The following ZNF607 variants were observed in gnomAD, a reference collection of about 807,000 sequenced individuals.
ZNF607 encodes the protein zinc finger protein 607.
ZNF607 carries 5 observed loss-of-function variants against 12.8 expected under a neutral mutation model. That is an observed-to-expected ratio of 0.39 (90% CI 0.20 to 0.82). The LOEUF (loss-of-function observed/expected upper bound fraction) is 0.82. Among genes scored for constraint, ZNF607 ranks in the 40% least tolerant of loss-of-function variants. The pLI is 0.39. For synonymous variants in ZNF607, 287 were observed against 276.2 expected, an observed-to-expected ratio of 1.04 and a Z score of -0.39; for missense variants, 851 against 859.2, an observed-to-expected ratio of 0.99 and a Z score of 0.12.
In ZNF607 at chr19:37,699,595, A is replaced by C. The variant is rs1349595661; in HGVS notation, c.536T>G (p.Phe179Cys). Reference sequence around the variant, plus strand: ...TTGAGCAAGGTTTGCAGGATAACTGAAGACCTTCCCACATTCTTCACATTC... The same window carrying C: ...TTGAGCAAGGTTTGCAGGATAACTGCAGACCTTCCCACATTCTTCACATTC... The part of the protein sequence containing the change: ...PYECEECGKV[F>C]SYPANLAQHG... Residue 179 changes from phenylalanine (F) to cysteine (C), a missense_variant, in exon 5 of 5, where the codon TTC becomes TGC. Transcript: ENST00000355202. The C allele has an allele frequency of 6.2e-7, 1 of 1,614,124 alleles. No homozygotes were observed. Among genetic ancestry groups the C allele is most frequent in the East Asian group, 2.2e-5 (1 of 44,884 alleles).
intron 4 of ZNF607, among the ~76,000 whole-genome samples, chr19:37,702,947 T>TTA (rs1279763914): frequency 6.6e-6 from 1 of 151,996 alleles, no homozygotes; most frequent in Non-Finnish European, 1.5e-5. Context: ...ATTTATTTAT[T>TTA]TTTATTTTTA....
At chr19:37,700,087 CAA>C (rs1199562780) in intron 4 of ZNF607, among the ~76,000 whole-genome samples, 192 bp from the exon 5 acceptor site, 1 of 152,044 alleles carries the variant, frequency 6.6e-6, no homozygotes, top group East Asian at 1.9e-4. Context: ...CACACATACA[CAA>C]AGAGACACAC....
chr19:37,705,910 A>C (rs575291507), intron 4 of ZNF607, among the ~76,000 whole-genome samples: 80 of 151,882 alleles, frequency 5.3e-4, no homozygotes, highest in African/African-American at 1.8e-3. Flanking sequence ...TCCTATAAAA[A>C]CAGGTTGATG....
chr19:37,707,927 T>A lies in ZNF607; in HGVS notation c.222A>T (p.Arg74Ser), dbSNP rs1203253499. ...EPWMIVREET[R>S]GECTDLDSRC... is the part of the protein sequence containing the mutation. ...ACTTGCTCTTACCTGTACACTCTCCTCTTGTTTCTTCCCTCACAATCATCC... is the reference window on the plus strand; with the variant it reads ...ACTTGCTCTTACCTGTACACTCTCCACTTGTTTCTTCCCTCACAATCATCC... The change falls in exon 4 of 5, where the codon AGA becomes AGT. Residue 74 changes from arginine (R) to serine (S), a missense_variant. Physicochemically the swap from Arg to Ser is moderately radical, Grantham distance 110. Transcript: ENST00000355202. 1.1e-5 allele frequency: 18 copies of A among 1,613,850 alleles called. No individual in the cohort carries two copies. Among genetic ancestry groups the A allele is most frequent in the African/African-American group, 1.3e-5 (1 of 74,924 alleles).
intron 1 of ZNF607, among the ~76,000 whole-genome samples, chr19:37,714,753 T>G (rs576617415): frequency 6.6e-6 from 1 of 152,174 alleles, no homozygotes; most frequent in South Asian, 2.1e-4. Flanking sequence ...AACGAGACAG[T>G]TCTGAAGATT....
In ZNF607 at chr19:37,697,187, T is replaced by C; in HGVS notation, c.*853A>G. The C allele has an allele frequency of 8.2e-6, 6 of 735,412 alleles. No individual in the cohort carries two copies. The South Asian group carries it at 8.4e-5, about 10-fold the overall frequency. The allele number at this position is 735,412 out of a possible 1,614,324, so 45.6% of individuals were successfully genotyped here. ...CAGTGATGACTGGCGCACTACGTGG[T>C]TGAGAACAGCAGTCAAAGATAATTG... On this transcript the variant is annotated 3_prime_UTR_variant, in exon 5 of 5. Coordinates refer to ENST00000355202, the MANE Select transcript of ZNF607 (RefSeq NM_032689.5).
chr19:37,715,063 T>C (rs1599670121), intron 1 of ZNF607, among the ~76,000 whole-genome samples: 1 of 151,898 alleles, frequency 6.6e-6, no homozygotes, highest in Non-Finnish European at 1.5e-5. Flanking sequence ...TGTGCCACCA[T>C]GCCCGGCTAA....
intron 4 of ZNF607, among the ~76,000 whole-genome samples, chr19:37,700,795 C>T (rs543851055): frequency 9.2e-5 from 14 of 151,760 alleles, no homozygotes; most frequent in African/African-American, 2.9e-4. Flanking sequence ...AGTGTCAACA[C>T]CTAAATCAAA....
At chr19:37,701,357 C>T (rs1252975851) in intron 4 of ZNF607, among the ~76,000 whole-genome samples, 2 of 152,156 alleles carry the variant, frequency 1.3e-5, no homozygotes, top group African/African-American at 2.4e-5. Flanking sequence ...CAACCTTTTT[C>T]GATTACCTAC....
In ZNF607 at chr19:37,716,375, T is replaced by C. The variant is rs73621598; in HGVS notation, c.-75+2894A>G. On this transcript the variant is annotated intron_variant, in intron 1 of 4. Transcript: ENST00000355202. The stretch of plus-strand genomic sequence containing the variant: ...GGAGTCTCCTGTTTTCAGGAAAAAC[T>C]GATCTGTTTGGAACTCTACCTGCTC... 5.9e-3 allele frequency among the ~76,000 whole-genome samples: 898 copies of C among 152,330 alleles called. 10 individuals are homozygous for C. Among genetic ancestry groups the C allele is most frequent in the African/African-American group, 0.02 (848 of 41,572 alleles).
intron 1 of ZNF607, among the ~76,000 whole-genome samples, chr19:37,717,446 A>G (rs1037523302): frequency 6.6e-6 from 1 of 151,740 alleles, no homozygotes; most frequent in Non-Finnish European, 1.5e-5. Context: ...CGGCCTCCCA[A>G]AGTGCTGGGA....
chr19:37,708,559 CAT>C (rs1422793888), intron 3 of ZNF607, among the ~76,000 whole-genome samples: 4 of 151,490 alleles, frequency 2.6e-5, no homozygotes, highest in Non-Finnish European at 4.4e-5. Context: ...GTTGAAAACA[CAT>C]ACTCTAAAGC....
chr19:37,704,102 C>A (rs1483942075), intron 4 of ZNF607, among the ~76,000 whole-genome samples: 6 of 151,810 alleles, frequency 4.0e-5, no homozygotes, highest in Non-Finnish European at 1.5e-5. Flanking sequence ...CCATTGCACT[C>A]CAGCCTGGGT....
Position 37,697,916 on chromosome 19 carries a change from C to T in ZNF607, c.*124G>A. ...AAGTTCACACCAATACAAATTGATG[C>T]CTAATAAAAACTGAACTGTATCTCA... On this transcript the variant is annotated 3_prime_UTR_variant, in exon 5 of 5. Coordinates refer to ENST00000355202, the MANE Select transcript of ZNF607 (RefSeq NM_032689.5). The T allele has an allele frequency of 1.1e-6, 1 of 908,056 alleles. No homozygotes were observed. The highest frequency in any genetic ancestry group is 1.6e-6 in the Non-Finnish European group (1 of 606,726). 56.2% of individuals were successfully genotyped at this position (908,056 alleles called of 1,614,324 possible). A position where few individuals can be genotyped will look rare whatever the true frequency, so the allele number is the denominator to read the frequency against.
intron 1 of ZNF607, among the ~76,000 whole-genome samples, chr19:37,714,563 C>CAA (rs56081124): frequency 4.9e-4 from 53 of 108,242 alleles, no homozygotes; most frequent in Non-Finnish European, 7.2e-4. Context: ...GACCCCATCT[C>CAA]AAAAAAAAAA....
intron 1 of ZNF607, among the ~76,000 whole-genome samples, chr19:37,713,683 C>A (rs112697382): frequency 1.3e-5 from 2 of 152,008 alleles, no homozygotes; most frequent in Non-Finnish European, 2.9e-5. Context: ...TCGTGATCTG[C>A]CAGCCTCAGC....
In ZNF607 at chr19:37,698,238, A is replaced by G; in HGVS notation, c.1893T>C (p.Tyr631=). The part of the protein sequence containing the change: ...RCGKAFHCAS[Y]LVRHESVHAD... ...CATGAACGCTTTCATGTCTAACAAG[A>G]TATGAGGCACAGTGAAATGCCTTCC... The change falls in exon 5 of 5, where the codon TAT becomes TAC. Residue 631 remains tyrosine (Y), a synonymous_variant. Transcript: ENST00000355202. The G allele has an allele frequency of 6.2e-7, 1 of 1,614,170 alleles. No homozygotes were observed. Among genetic ancestry groups the G allele is most frequent in the Non-Finnish European group, 8.5e-7 (1 of 1,180,036 alleles).
intron 1 of ZNF607, among the ~76,000 whole-genome samples, chr19:37,716,297 T>C (rs2045176147): frequency 6.6e-6 from 1 of 152,236 alleles, no homozygotes; most frequent in African/African-American, 2.4e-5. Context: ...GTTTACTTTT[T>C]TCTGGAAGGT....
chr19:37,714,301 C>T (rs956293749), intron 1 of ZNF607, among the ~76,000 whole-genome samples: 2 of 107,840 alleles, frequency 1.9e-5, no homozygotes, highest in African/African-American at 3.3e-5. Context: ...CAGAGCAAGA[C>T]TCCGTCTCAA....
Sources: gnomAD v4.1 joint callset for allele counts (sites outside exome capture counted in the v4.1 genomes callset) on GRCh38, gnomAD v4.1.1 for gene constraint, MANE v1.5 for transcripts, NCBI Gene and HGNC (gene_info 2026-07-23, HGNC 2026-07-21) for gene names.